Variants in SREK1IP1 observed in about 807,000 individuals in gnomAD.
SREK1IP1 encodes SREK1 interacting protein 1, also known as protein SREK1IP1.
SREK1IP1 carries 12 observed loss-of-function variants against 22.8 expected under a neutral mutation model. The ratio of observed to expected loss-of-function variants is 0.53; its 90% CI spans 0.34 to 0.85. SREK1IP1 has a LOEUF of 0.85. Ranked by LOEUF, SREK1IP1 falls within the 40% of genes least tolerant of loss-of-function variation. SREK1IP1 has a pLI of 0.02. For missense variants in SREK1IP1, 147 were observed against 171.8 expected, an observed-to-expected ratio of 0.86 and a Z score of 0.81; for synonymous variants, 53 against 52.7, an observed-to-expected ratio of 1.01 and a Z score of -0.02.
intron 2 of SREK1IP1, among the ~76,000 whole-genome samples, chr5:64,753,056 T>C (rs971639113): frequency 4.6e-5 from 7 of 152,254 alleles, no homozygotes; most frequent in African/African-American, 1.7e-4. Context: ...TTACTGCAGA[T>C]ACTTCCATTG....
chr5:64,729,240 G>C (rs1039779791), intron 3 of SREK1IP1, among the ~76,000 whole-genome samples: 1 of 152,174 alleles, frequency 6.6e-6, no homozygotes, highest in Non-Finnish European at 1.5e-5. Flanking sequence ...CTGGGTCTTT[G>C]CTGTGCATGA....
At chr5:64,755,219 C>CA (rs138859399) in intron 1 of SREK1IP1, among the ~76,000 whole-genome samples, 46,271 of 142,708 alleles carry the variant, frequency 0.32, 7,490 homozygotes, top group East Asian at 0.52. Flanking sequence ...GGTATATATC[C>CA]AAAAAAAAAA....
At chr5:64,745,239 T>C (rs1016409822) in intron 2 of SREK1IP1, among the ~76,000 whole-genome samples, 1 of 152,172 alleles carries the variant, frequency 6.6e-6, no homozygotes, top group Admixed American at 6.5e-5. Flanking sequence ...TTGTTACATG[T>C]TTGGAGCAGA....
intron 2 of SREK1IP1, among the ~76,000 whole-genome samples, chr5:64,747,449 T>C (rs1262070649): frequency 6.6e-6 from 1 of 152,158 alleles, no homozygotes; most frequent in African/African-American, 2.4e-5. Context: ...ACTCAGGAAA[T>C]TCCAAGAGTT....
At chr5:64,725,857 G>GTTTT (rs1742254071) in intron 4 of SREK1IP1, among the ~76,000 whole-genome samples, 3 of 108,066 alleles carry the variant, frequency 2.8e-5, no homozygotes, top group Admixed American at 8.9e-5. Flanking sequence ...TTTTTTGTTT[G>GTTTT]TTTCTTTTTT....
Position 64,757,587 on chromosome 5 carries a change from C to G in SREK1IP1, c.14-3225G>C, listed in dbSNP as rs886491148. 4.6e-5 allele frequency among the ~76,000 whole-genome samples: 7 copies of G among 152,174 alleles called. 1 individual carries two copies. In the East Asian group the frequency reaches 9.6e-4, roughly 21 times the overall value. ...ACCACACAGGAGTATACAAAATACA[C>G]AAGCACATACATCTCAAAACATTTC... On this transcript the variant is annotated intron_variant, in intron 1 of 4. Coordinates refer to ENST00000513458, the MANE Select transcript of SREK1IP1 (RefSeq NM_173829.4).
At chr5:64,736,623 A>G (rs1841172) in intron 3 of SREK1IP1, among the ~76,000 whole-genome samples, 95,545 of 151,744 alleles carry the variant, frequency 0.63, 32,100 homozygotes, top group African/African-American at 0.88. Flanking sequence ...CACCATGCCC[A>G]GCTACTTTTT....
intron 4 of SREK1IP1, chr5:64,727,553 A>ATATATATATT: frequency 9.4e-5 from 8 of 84,676 alleles, no homozygotes; most frequent in African/African-American, 4.4e-4. Flanking sequence ...ATATATATAT[A>ATATATATATT]TTTTTTTTTT....
At chr5:64,744,636 T>C (rs1444578293) in intron 2 of SREK1IP1, among the ~76,000 whole-genome samples, 2 of 152,208 alleles carry the variant, frequency 1.3e-5, no homozygotes, top group Non-Finnish European at 2.9e-5. Flanking sequence ...CAAATATGTG[T>C]TTTTTCCTTG....
chr5:64,722,834 G>A lies in SREK1IP1; in HGVS notation c.*1550C>T, dbSNP rs965844985. 2.0e-5 allele frequency: 3 copies of A among 152,230 alleles called. No individual in the cohort carries two copies. Among genetic ancestry groups the A allele is most frequent in the Non-Finnish European group, 2.9e-5 (2 of 68,036 alleles). 9.4% of individuals were successfully genotyped at this position (152,230 alleles called of 1,614,324 possible). On this transcript the variant is annotated 3_prime_UTR_variant, in exon 5 of 5. Coordinates refer to ENST00000513458, the MANE Select transcript of SREK1IP1 (RefSeq NM_173829.4). Reference sequence around the variant, plus strand: ...AGAATTTAAGCATGGGTAAGCATATGTTAAGAGGAGTTATAAGGCTCCCTG... The same window carrying A: ...AGAATTTAAGCATGGGTAAGCATATATTAAGAGGAGTTATAAGGCTCCCTG...
intron 1 of SREK1IP1, among the ~76,000 whole-genome samples, chr5:64,764,157 A>G (rs1163133430): frequency 2.0e-5 from 3 of 152,162 alleles, no homozygotes; most frequent in African/African-American, 7.2e-5. Flanking sequence ...ATCACAAAAA[A>G]ACTCATAATG....
At chr5:64,746,036 T>G (rs1177512742) in intron 2 of SREK1IP1, among the ~76,000 whole-genome samples, 2 of 152,162 alleles carry the variant, frequency 1.3e-5, no homozygotes, top group Non-Finnish European at 1.5e-5. Flanking sequence ...CACAGACCAA[T>G]GGAATAGAAT....
Position 64,724,559 on chromosome 5 carries a change from C to T in SREK1IP1, c.293G>A (p.Ser98Asn), listed in dbSNP as rs771751864. The change falls in exon 5 of 5, where the codon AGT (serine) becomes AAT (asparagine). Residue 98 changes from serine (S) to asparagine (N), a missense_variant. Transcript: ENST00000513458. ...TTTTGAAGTGTCCTCTTCAGTGGAA[C>T]TGGATGAGTAAGACCTATGGATAAT... ...KKKRKRSYSS[S>N]STEEDTSKQK... 1.0e-5 allele frequency: 16 copies of T among 1,569,544 alleles called. No homozygotes were observed. Among genetic ancestry groups the T allele is most frequent in the Non-Finnish European group, 1.2e-5 (14 of 1,167,370 alleles).
chr5:64,721,603 G>A lies in SREK1IP1; in HGVS notation c.*2781C>T, dbSNP rs897836620. 2.0e-5 allele frequency: 3 copies of A among 151,726 alleles called. No homozygotes were observed. Among genetic ancestry groups the A allele is most frequent in the Non-Finnish European group, 4.4e-5 (3 of 67,948 alleles). 9.4% of individuals were successfully genotyped at this position (151,726 alleles called of 1,614,324 possible). ...AAAAAAAAAAGGGGGAAATTGTGTG[G>A]TGAGAAGGTCCATCAACCCAAAAAT... On this transcript the variant is annotated 3_prime_UTR_variant, in exon 5 of 5. Coordinates refer to ENST00000513458, the MANE Select transcript of SREK1IP1 (RefSeq NM_173829.4).
At chr5:64,741,535 A>C (rs1742551305) in intron 2 of SREK1IP1, among the ~76,000 whole-genome samples, 1 of 152,156 alleles carries the variant, frequency 6.6e-6, no homozygotes, top group African/African-American at 2.4e-5. Flanking sequence ...AAGTAAATAA[A>C]AAATACCATC....
chr5:64,744,654 A>C (rs1742604292), intron 2 of SREK1IP1, among the ~76,000 whole-genome samples: 1 of 152,098 alleles, frequency 6.6e-6, no homozygotes, highest in Admixed American at 6.5e-5. Flanking sequence ...TTGTCCCTTT[A>C]TTTTGAAAAT....
In SREK1IP1 at chr5:64,768,469, G is replaced by T. The variant is rs368625451; in HGVS notation, c.13+36C>A. ...CCTACCCTCCCTTGCGCTCCCTTCG[G>T]AGCTCGGACGCAGAGGCCCTGTAAT... On this transcript the variant is annotated intron_variant, in intron 1 of 4. Coordinates refer to ENST00000513458, the MANE Select transcript of SREK1IP1 (RefSeq NM_173829.4). The T allele has an allele frequency of 1.5e-5, 24 of 1,613,954 alleles. No individual in the cohort carries two copies. The African/African-American group carries it at 2.8e-4, about 19-fold the overall frequency.
At chr5:64,725,823 T>C (rs552333207) in intron 4 of SREK1IP1, among the ~76,000 whole-genome samples, 1 of 151,894 alleles carries the variant, frequency 6.6e-6, no homozygotes, top group East Asian at 1.9e-4. Flanking sequence ...CTTTTTTCTT[T>C]AGCTTTTTGG....
intron 2 of SREK1IP1, among the ~76,000 whole-genome samples, chr5:64,753,365 T>C (rs190464434): frequency 5.5e-4 from 84 of 152,320 alleles, no homozygotes; most frequent in African/African-American, 1.9e-3. Flanking sequence ...AATTTAAAAA[T>C]AGAAAAGATT....
Sources: gnomAD v4.1 joint callset for allele counts (sites outside exome capture counted in the v4.1 genomes callset) on GRCh38, gnomAD v4.1.1 for gene constraint, MANE v1.5 for transcripts, NCBI Gene and HGNC (gene_info 2026-07-23, HGNC 2026-07-21) for gene names.